The following CNTNAP5 variants were observed in gnomAD, a reference collection of about 807,000 sequenced individuals.
The protein encoded by CNTNAP5 is contactin-associated protein-like 5.
In CNTNAP5, 72 loss-of-function variants were observed where a neutral mutation model predicts 150.2. The observed-to-expected ratio is 0.48, with a 90% confidence interval of 0.40 to 0.58. The LOEUF (loss-of-function observed/expected upper bound fraction) is 0.58. Among genes scored for constraint, CNTNAP5 ranks in the 20% least tolerant of loss-of-function variants. The pLI, the probability that CNTNAP5 is intolerant of heterozygous loss-of-function variation, is 0.00. For missense variants in CNTNAP5, 1,636 were observed against 1,626.2 expected (o/e 1.01, Z -0.10); for synonymous variants, 672 against 619.8 (o/e 1.08, Z -1.25).
At chr2:124,794,071 C>T (rs945868979) in intron 18 of CNTNAP5, among the ~76,000 whole-genome samples, 3 of 152,196 alleles carry the variant, frequency 2.0e-5, no homozygotes, top group Non-Finnish European at 2.9e-5. Flanking sequence ...TCTTTATTTC[C>T]TTTCAAAAGC....
At chr2:124,715,825 C>T (rs1438045621) in intron 13 of CNTNAP5, among the ~76,000 whole-genome samples, 1 of 152,108 alleles carries the variant, frequency 6.6e-6, no homozygotes, top group African/African-American at 2.4e-5. Context: ...TACTAGTCTG[C>T]CACCTCGTCT....
In CNTNAP5 at chr2:124,851,417, T is replaced by C. The variant is rs989462249; in HGVS notation, c.3218-13889T>C. On this transcript the variant is annotated intron_variant, in intron 19 of 23. Transcript: ENST00000682447. ...ATACAAAAAATGCTAATGGGAATTATATAGCAGAAGGAATCAAATTTTAAA... is the reference window on the plus strand; with the variant it reads ...ATACAAAAAATGCTAATGGGAATTACATAGCAGAAGGAATCAAATTTTAAA... 2.6e-5 allele frequency among the ~76,000 whole-genome samples: 4 copies of C among 152,214 alleles called. No homozygotes were observed. In the East Asian group the frequency reaches 7.7e-4, roughly 29 times the overall value.
intron 11 of CNTNAP5, among the ~76,000 whole-genome samples, chr2:124,584,274 G>A (rs1175190581): frequency 6.6e-6 from 1 of 152,098 alleles, no homozygotes; most frequent in Non-Finnish European, 1.5e-5. Flanking sequence ...TTCATCTCTA[G>A]CCCAGAGCTT....
chr2:124,897,694 A>G (rs1678334067), intron 21 of CNTNAP5, among the ~76,000 whole-genome samples: 1 of 151,482 alleles, frequency 6.6e-6, no homozygotes, highest in Non-Finnish European at 1.5e-5. Context: ...AGTGTCACGC[A>G]TAGCATAATA....
At chr2:124,576,885 C>T (rs1182970363) in intron 11 of CNTNAP5, among the ~76,000 whole-genome samples, 4 of 152,290 alleles carry the variant, frequency 2.6e-5, no homozygotes, top group South Asian at 4.1e-4. Flanking sequence ...TATTTTACTT[C>T]GTCAGTCCTC....
intron 19 of CNTNAP5, among the ~76,000 whole-genome samples, chr2:124,848,412 A>G (rs1558799147): frequency 6.6e-6 from 1 of 152,130 alleles, no homozygotes; most frequent in South Asian, 2.1e-4. Flanking sequence ...TAATCTCTCA[A>G]TGAACACTCT....
chr2:124,484,572 A>C (rs1013218410), intron 7 of CNTNAP5, among the ~76,000 whole-genome samples: 1 of 152,226 alleles, frequency 6.6e-6, no homozygotes, highest in Non-Finnish European at 1.5e-5. Context: ...TAGGCATTGA[A>C]TCACTAAGAG....
chr2:124,920,709 T>C lies in CNTNAP5; in HGVS notation c.*6421T>C, dbSNP rs1678855227. 6.6e-6 allele frequency among the ~76,000 whole-genome samples: 1 copy of C among 152,140 alleles called. No individual in the cohort carries two copies. Reference sequence around the variant, plus strand: ...GAATACCCATGGCCATGTTCCAATATAACTTTATTTACAAAATCTAATTTA... The same window carrying C: ...GAATACCCATGGCCATGTTCCAATACAACTTTATTTACAAAATCTAATTTA... On this transcript the variant is annotated 3_prime_UTR_variant, in exon 24 of 24. Coordinates refer to ENST00000682447, the MANE Select transcript of CNTNAP5 (RefSeq NM_001367498.1).
chr2:124,207,265 T>G (rs367796234), intron 1 of CNTNAP5, among the ~76,000 whole-genome samples: 78 of 152,134 alleles, frequency 5.1e-4, no homozygotes, highest in Non-Finnish European at 9.1e-4. Flanking sequence ...TCCTAACCAC[T>G]TGAGATGGAG....
chr2:124,084,064 G>C (rs972491818), intron 1 of CNTNAP5, among the ~76,000 whole-genome samples: 1 of 151,772 alleles, frequency 6.6e-6, no homozygotes, highest in Admixed American at 6.6e-5. Flanking sequence ...TTTTATCAGT[G>C]TTTTGTAGTT....
chr2:124,654,569 C>T (rs1238615354), intron 13 of CNTNAP5, among the ~76,000 whole-genome samples: 1 of 152,136 alleles, frequency 6.6e-6, no homozygotes, highest in African/African-American at 2.4e-5. Flanking sequence ...ACCCAATTAA[C>T]TGAGCTGCGA....
chr2:124,069,604 A>G (rs11885688), intron 1 of CNTNAP5, among the ~76,000 whole-genome samples: 2,110 of 152,228 alleles, frequency 0.014, 55 homozygotes, highest in African/African-American at 0.049. Flanking sequence ...ATAGGAGTGC[A>G]TGCATCACCC....
At chr2:124,117,715 C>T (rs1464445921) in intron 1 of CNTNAP5, among the ~76,000 whole-genome samples, 2 of 152,194 alleles carry the variant, frequency 1.3e-5, no homozygotes, top group Non-Finnish European at 2.9e-5. Context: ...CTGTTCTGCA[C>T]TCAAGCACGA....
intron 1 of CNTNAP5, among the ~76,000 whole-genome samples, chr2:124,075,559 A>C (rs1682417287): frequency 6.6e-6 from 1 of 152,142 alleles, no homozygotes; most frequent in African/African-American, 2.4e-5. Context: ...TTTGGCTTCC[A>C]TTTAAATCTT....
intron 8 of CNTNAP5, 107 bp downstream of exon 8, chr2:124,504,663 C>A: frequency 1.8e-6 from 2 of 1,095,422 alleles, no homozygotes; most frequent in Non-Finnish European, 2.6e-6. Context: ...TATGGGTTAG[C>A]CCAGTATTCA....
Position 124,466,310 on chromosome 2 carries a change from G to T in CNTNAP5, c.919-8429G>T, listed in dbSNP as rs75536729. ...TAGCCTTCAAATATCCTATCCTATG[G>T]CACCAACTGATCTTGCTTTCTTTAC... is the stretch of plus-strand genomic sequence containing the variant. On this transcript the variant is annotated intron_variant, in intron 6 of 23. Transcript: ENST00000682447. Among the ~76,000 whole-genome samples, 2,333 of 151,884 alleles carry T rather than the reference G, an allele frequency of 0.015. 114 individuals are homozygous for T. The East Asian group carries it at 0.16, about 11-fold the overall frequency.
At chr2:124,064,514 A>G (rs1420534150) in intron 1 of CNTNAP5, among the ~76,000 whole-genome samples, 2 of 152,038 alleles carry the variant, frequency 1.3e-5, no homozygotes, top group African/African-American at 2.4e-5. Flanking sequence ...CTGGATCACT[A>G]TTGTGGATTT....
intron 1 of CNTNAP5, among the ~76,000 whole-genome samples, chr2:124,218,544 C>T (rs909266035): frequency 6.6e-6 from 1 of 152,140 alleles, no homozygotes; most frequent in African/African-American, 2.4e-5. Context: ...GAGGAAAGGG[C>T]TGCTGAAAAA....
At chr2:124,782,494 G>A (rs936000284) in intron 17 of CNTNAP5, among the ~76,000 whole-genome samples, 3 of 152,152 alleles carry the variant, frequency 2.0e-5, no homozygotes, top group Non-Finnish European at 4.4e-5. Flanking sequence ...CAGTATAGGG[G>A]AGGCTTCAGA....
Sources: gnomAD v4.1 joint callset for allele counts (sites outside exome capture counted in the v4.1 genomes callset) on GRCh38, gnomAD v4.1.1 for gene constraint, MANE v1.5 for transcripts, NCBI Gene and HGNC (gene_info 2026-07-23, HGNC 2026-07-21) for gene names.